The following CADM2 variants were observed in gnomAD, a reference collection of about 807,000 sequenced individuals.
The protein encoded by CADM2 is cell adhesion molecule 2.
A neutral mutation model predicts 49.8 loss-of-function variants in CADM2; 12 were observed. The ratio of observed to expected loss-of-function variants is 0.24; its 90% CI spans 0.15 to 0.39. The LOEUF (loss-of-function observed/expected upper bound fraction) is 0.39. Ranked by LOEUF, CADM2 falls within the 10% of genes least tolerant of loss-of-function variation. The pLI is 1.00. For synonymous variants in CADM2, 214 were observed against 175.4 expected (o/e 1.22, Z -1.74); for missense variants, 378 against 492.3 (o/e 0.77, Z 2.20).
chr3:85,648,801 G>A (rs555465052), intron 1 of CADM2, among the ~76,000 whole-genome samples: 8 of 151,880 alleles, frequency 5.3e-5, no homozygotes, highest in Non-Finnish European at 1.0e-4. Flanking sequence ...TTTGAATTTA[G>A]CTTTTTTGAA....
At chr3:85,992,322 A>C (rs2108707855) in intron 8 of CADM2, 1 of 152,180 alleles carries the variant, frequency 6.6e-6, no homozygotes, top group African/African-American at 2.4e-5. Context: ...GTAATTCTGT[A>C]TTTCTTAAGT....
chr3:85,333,482 G>C (rs2044992788), intron 1 of CADM2, among the ~76,000 whole-genome samples: 1 of 151,710 alleles, frequency 6.6e-6, no homozygotes, highest in African/African-American at 2.4e-5. Flanking sequence ...CATGCAAATT[G>C]GGTAATTGTG....
chr3:85,004,003 T>C (rs189761628), intron 1 of CADM2, among the ~76,000 whole-genome samples: 1 of 152,140 alleles, frequency 6.6e-6, no homozygotes, highest in East Asian at 1.9e-4. Context: ...TATTTGCAGG[T>C]AGGGTAAAAT....
intron 1 of CADM2, among the ~76,000 whole-genome samples, chr3:85,292,626 T>G (rs1168174748): frequency 6.6e-6 from 1 of 151,396 alleles, no homozygotes; most frequent in Non-Finnish European, 1.5e-5. Flanking sequence ...GAACTCAGGA[T>G]TAAGAATCTC....
At chr3:85,767,440 C>A (rs2069715192) in intron 2 of CADM2, among the ~76,000 whole-genome samples, 1 of 152,148 alleles carries the variant, frequency 6.6e-6, no homozygotes. Context: ...CTATTATATG[C>A]AACCTTGGCT....
chr3:85,827,180 T>G (rs1364074792), intron 3 of CADM2, among the ~76,000 whole-genome samples: 1 of 151,918 alleles, frequency 6.6e-6, no homozygotes, highest in Non-Finnish European at 1.5e-5. Context: ...TGAATAAAAT[T>G]GAACATTTAA....
chr3:85,476,832 C>G (rs1465715514), intron 1 of CADM2, among the ~76,000 whole-genome samples: 1 of 151,574 alleles, frequency 6.6e-6, no homozygotes, highest in Non-Finnish European at 1.5e-5. Context: ...ATCTTCCTAC[C>G]TTCTATCTTT....
At chr3:86,007,173 C>T (rs1730903972) in intron 8 of CADM2, among the ~76,000 whole-genome samples, 1 of 129,950 alleles carries the variant, frequency 7.7e-6, no homozygotes, top group African/African-American at 2.8e-5. Flanking sequence ...GTCCTGGTAA[C>T]TGCCCAGGAA....
intron 3 of CADM2, among the ~76,000 whole-genome samples, chr3:85,839,608 C>T (rs1483504573): frequency 6.6e-6 from 1 of 151,624 alleles, no homozygotes; most frequent in Non-Finnish European, 1.5e-5. Context: ...ATTTAGCCTT[C>T]TATATAATTG....
In CADM2 at chr3:85,826,974, TG is replaced by T. The variant is rs548862675; in HGVS notation, c.238+24779del. ...TTACAAGATAAATGTAGTTAGGAAC[TG>T]TTGAGTTCTTTGTGATCCAGAAATT... On this transcript the variant is annotated intron_variant, in intron 3 of 9. Transcript: ENST00000383699. 5.3e-5 allele frequency among the ~76,000 whole-genome samples: 8 copies of T among 152,070 alleles called. No homozygotes were observed. The South Asian group carries it at 1.7e-3, about 32-fold the overall frequency.
intron 1 of CADM2, among the ~76,000 whole-genome samples, chr3:85,716,246 C>G (rs1202389931): frequency 6.6e-6 from 1 of 152,188 alleles, no homozygotes; most frequent in Non-Finnish European, 1.5e-5. Flanking sequence ...TTGCATTTCT[C>G]TAATGACCAA....
chr3:85,036,054 T>G (rs557483666), intron 1 of CADM2, among the ~76,000 whole-genome samples: 1 of 152,274 alleles, frequency 6.6e-6, no homozygotes, highest in East Asian at 1.9e-4. Flanking sequence ...CATTTAAAAA[T>G]TATGTAAAAA....
intron 7 of CADM2, among the ~76,000 whole-genome samples, chr3:85,937,282 T>G (rs1054970990): frequency 2.0e-5 from 3 of 151,910 alleles, no homozygotes; most frequent in Non-Finnish European, 4.4e-5. Context: ...TGCAGATGAA[T>G]GAAAAGCACA....
intron 1 of CADM2, among the ~76,000 whole-genome samples, chr3:85,407,912 G>C (rs1186647876): frequency 6.6e-6 from 1 of 150,832 alleles, no homozygotes; most frequent in Non-Finnish European, 1.5e-5. Flanking sequence ...GGGAGGCTGA[G>C]GTGGAAGGAT....
At chr3:85,555,851 A>G (rs1419747796) in intron 1 of CADM2, among the ~76,000 whole-genome samples, 2 of 152,160 alleles carry the variant, frequency 1.3e-5, no homozygotes, top group Admixed American at 6.5e-5. Flanking sequence ...TAGTTTATAG[A>G]TCAGATTGTA....
At chr3:84,987,361 T>C (rs923095637) in intron 1 of CADM2, among the ~76,000 whole-genome samples, 1 of 152,146 alleles carries the variant, frequency 6.6e-6, no homozygotes, top group Non-Finnish European at 1.5e-5. Flanking sequence ...TGTTGTGCAA[T>C]GCAAGGCAAA....
chr3:85,182,699 C>A (rs193091982), intron 1 of CADM2, among the ~76,000 whole-genome samples: 1 of 152,080 alleles, frequency 6.6e-6, no homozygotes, highest in East Asian at 1.9e-4. Flanking sequence ...ACCCTATATA[C>A]GGTTGCATGT....
chr3:85,181,802 C>A (rs150079094), intron 1 of CADM2, among the ~76,000 whole-genome samples: 1,853 of 150,342 alleles, frequency 0.012, 21 homozygotes, highest in East Asian at 0.044. Flanking sequence ...ATATCTCTCT[C>A]TATATATTAT....
intron 1 of CADM2, among the ~76,000 whole-genome samples, chr3:85,454,744 C>G (rs1201920488): frequency 6.6e-6 from 1 of 152,146 alleles, no homozygotes; most frequent in Admixed American, 6.5e-5. Context: ...CCACTATGAA[C>G]CAACTGAAGT....
Sources: gnomAD v4.1 joint callset for allele counts (sites outside exome capture counted in the v4.1 genomes callset) on GRCh38, gnomAD v4.1.1 for gene constraint, MANE v1.5 for transcripts, NCBI Gene and HGNC (gene_info 2026-07-23, HGNC 2026-07-21) for gene names.